Variants in MCRS1 observed in about 807,000 individuals in gnomAD.
MCRS1 encodes 58 kDa microspherule protein.
MCRS1 carries 22 observed loss-of-function variants against 62.9 expected under a neutral mutation model. That is an observed-to-expected ratio of 0.35 (90% CI 0.25 to 0.50). The LOEUF is 0.50. Among genes scored for constraint, MCRS1 ranks in the 20% least tolerant of loss-of-function variants. The probability of loss-of-function intolerance (pLI) is 0.98; values close to 1 mark genes in which losing one functional copy is unlikely to be tolerated. For synonymous variants in MCRS1, 244 were observed against 233.5 expected (o/e 1.04, Z -0.41); for missense variants, 456 against 601.1 (o/e 0.76, Z 2.52).
At position 49,560,342 on chromosome 12, in the gene MCRS1, C is replaced by A; in HGVS notation, c.834G>T (p.Val278=). 6.2e-7 allele frequency: 1 copy of A among 1,614,252 alleles called. No homozygotes were observed. Among genetic ancestry groups the A allele is most frequent in the South Asian group, 1.1e-5 (1 of 91,092 alleles). Reference sequence around the variant, plus strand: ...GGTCCTCTGCATCAGAGAAGTTCAGCACTTGGTCCCCTTTGGGCAGCGGCT... The same window carrying A: ...GGTCCTCTGCATCAGAGAAGTTCAGAACTTGGTCCCCTTTGGGCAGCGGCT... ...TVQPLPKGDQ[V]LNFSDAEDLI... Residue 278 remains valine, a synonymous_variant, in exon 9 of 15, where the codon GTG becomes GTT. Coordinates refer to ENST00000343810, the MANE Select transcript of MCRS1 (RefSeq NM_006337.5).
chr12:49,566,769 G>A lies in MCRS1; in HGVS notation c.-38C>T, dbSNP rs550675401. Reference sequence around the variant, plus strand: ...CCAAAGCCACTGGTTCCAAACCACCGGGCTAGGAGGAACGGTCCCACAGGC... The same window carrying A: ...CCAAAGCCACTGGTTCCAAACCACCAGGCTAGGAGGAACGGTCCCACAGGC... On this transcript the variant is annotated 5_prime_UTR_variant, in exon 2 of 15. Coordinates refer to ENST00000343810, the MANE Select transcript of MCRS1 (RefSeq NM_006337.5). 17 of 1,611,852 alleles carry A rather than the reference G, an allele frequency of 1.1e-5. No homozygotes were observed. In the South Asian group the frequency reaches 1.2e-4, roughly 12 times the overall value.
intron 8 of MCRS1, among the ~76,000 whole-genome samples, chr12:49,561,107 A>T (rs1938743156): frequency 6.6e-6 from 1 of 152,132 alleles, no homozygotes; most frequent in African/African-American, 2.4e-5. Flanking sequence ...GTGCCCACAG[A>T]CCTAGCTACT....
intron 8 of MCRS1, among the ~76,000 whole-genome samples, chr12:49,562,078 TA>T (rs1273047298): frequency 2.6e-5 from 4 of 152,326 alleles, no homozygotes; most frequent in African/African-American, 7.2e-5. Flanking sequence ...CCCGGGCCAC[TA>T]AAATCAGAGG....
At chr12:49,563,397 G>A (rs1309150278) in intron 7 of MCRS1, 41 bp downstream of exon 7, 24 of 1,568,812 alleles carry the variant, frequency 1.5e-5, no homozygotes, top group East Asian at 4.5e-5. Context: ...TCCAGCTCTC[G>A]CTGTGCCCTG....
chr12:49,563,733 C>A, intron 6 of MCRS1, among the ~76,000 whole-genome samples, 187 bp from the exon 7 acceptor site: 1 of 152,200 alleles, frequency 6.6e-6, no homozygotes, highest in East Asian at 1.9e-4. Flanking sequence ...GAATGAACAG[C>A]CAACTCAGAA....
chr12:49,567,688 G>A (rs1298386733), intron 1 of MCRS1: 1 of 152,240 alleles, frequency 6.6e-6, no homozygotes, highest in Non-Finnish European at 1.5e-5. Context: ...GCACACCCAA[G>A]GTAGGGGATC....
chr12:49,567,366 G>C lies in MCRS1; in HGVS notation c.-110-525C>G, dbSNP rs4144469. 2.8e-4 allele frequency among the ~76,000 whole-genome samples: 42 copies of C among 151,668 alleles called. No homozygotes were observed. The East Asian group carries it at 8.0e-3, about 29-fold the overall frequency. On this transcript the variant is annotated intron_variant, in intron 1 of 14. Transcript: ENST00000343810. ...GTATTTCCATGAGATACCATCTCGT[G>C]GAAACCAAAAACCACTGTTTGGGAA...
chr12:49,561,405 T>A (rs1450364015), intron 8 of MCRS1, among the ~76,000 whole-genome samples: 1 of 152,152 alleles, frequency 6.6e-6, no homozygotes, highest in Non-Finnish European at 1.5e-5. Context: ...AGTCACTCCA[T>A]CAAGTCCCTC....
At chr12:49,562,238 T>C (rs1938806865) in intron 8 of MCRS1, among the ~76,000 whole-genome samples, 1 of 152,244 alleles carries the variant, frequency 6.6e-6, no homozygotes, top group Non-Finnish European at 1.5e-5. Flanking sequence ...TGTGAAAAAC[T>C]ATGTAGACGG....
Position 49,566,984 on chromosome 12 carries a change from A to G in MCRS1, c.-110-143T>C, listed in dbSNP as rs553209228. 1.1e-5 allele frequency: 6 copies of G among 566,022 alleles called. No individual in the cohort carries two copies. The African/African-American group carries it at 1.1e-4, about 11-fold the overall frequency. The allele number at this position is 566,022 out of a possible 1,614,324, so 35.1% of individuals were successfully genotyped here. A position where few individuals can be genotyped will look rare whatever the true frequency, so the allele number is the denominator to read the frequency against. ...AAGAGGCATAAGGCCCCACTCTGCC[A>G]ATAATAGCCTTAGACATCAGTCTTG... is the stretch of plus-strand genomic sequence containing the variant. On this transcript the variant is annotated intron_variant, in intron 1 of 14. Transcript: ENST00000343810.
intron 4 of MCRS1, 112 bp downstream of exon 4, chr12:49,565,417 G>C: frequency 5.9e-6 from 9 of 1,514,058 alleles, no homozygotes; most frequent in Non-Finnish European, 7.9e-6. Flanking sequence ...GGCTGGGGCA[G>C]CTTGGTCCTC....
In MCRS1 at chr12:49,563,052, G is replaced by A; in HGVS notation, c.754C>T (p.Gln252Ter). 6.3e-7 allele frequency: 1 copy of A among 1,586,434 alleles called. No homozygotes were observed. The highest frequency in any genetic ancestry group is 1.1e-5 in the South Asian group (1 of 87,546). Residue 252 changes from glutamine to a stop codon, truncating the protein, a stop_gained, in exon 8 of 15, where the codon CAG (glutamine) becomes TAG (stop). Coordinates refer to ENST00000343810, the MANE Select transcript of MCRS1 (RefSeq NM_006337.5). LOFTEE classifies it high-confidence loss of function. ...FYLARTAKALQAHWQLMKQYY... is the reference protein window; with the variant it reads ...FYLARTAKAL Reference sequence around the variant, plus strand: ...TGCTTCATGAGCTGCCAGTGGGCCTGCAGGGCCTTCGCGGTACGGGCCAGG... The same window carrying A: ...TGCTTCATGAGCTGCCAGTGGGCCTACAGGGCCTTCGCGGTACGGGCCAGG...
At position 49,566,850 on chromosome 12, in the gene MCRS1, G is replaced by T; in HGVS notation, c.-110-9C>A. ...AAGGCTGAGAGGAGATTCTGCAAAG[G>T]AGAAATGAGGCTCCCTGAGGCTCAG... On this transcript the variant is annotated splice_polypyrimidine_tract_variant and intron_variant, in intron 1 of 14. Transcript: ENST00000343810. 7.4e-7 allele frequency: 1 copy of T among 1,351,902 alleles called. No homozygotes were observed. Among genetic ancestry groups the T allele is most frequent in the Non-Finnish European group, 1.0e-6 (1 of 973,354 alleles). 83.7% of individuals were successfully genotyped at this position (1,351,902 alleles called of 1,614,324 possible). A position where few individuals can be genotyped will look rare whatever the true frequency, so the allele number is the denominator to read the frequency against.
chr12:49,559,123 T>C lies in MCRS1; in HGVS notation c.1174+91A>G, dbSNP rs1036545649. 6.5e-6 allele frequency: 10 copies of C among 1,535,720 alleles called. No individual in the cohort carries two copies. The highest frequency in any genetic ancestry group is 4.7e-5 in the South Asian group (4 of 85,418). On this transcript the variant is annotated intron_variant, in intron 13 of 14. Coordinates refer to ENST00000343810, the MANE Select transcript of MCRS1 (RefSeq NM_006337.5). This position sits in a 1 kb window ranked among gnomAD's most constrained non-coding sequence, Gnocchi z 5.2. ...CTCAGGTGGTCCACGAGGGTCCCCA[T>C]GGACACCAAGCCCAGGGCTAGAAAG... is the stretch of plus-strand genomic sequence containing the variant.
chr12:49,565,035 C>T lies in MCRS1; in HGVS notation c.289-140G>A, dbSNP rs919645437. 4.3e-6 allele frequency: 6 copies of T among 1,406,916 alleles called. No individual in the cohort carries two copies. In the African/African-American group the frequency reaches 5.8e-5, roughly 14 times the overall value. The allele number at this position is 1,406,916 out of a possible 1,614,324, so 87.2% of individuals were successfully genotyped here. A position where few individuals can be genotyped will look rare whatever the true frequency, so the allele number is the denominator to read the frequency against. ...ACCAACTCCAGCCCACAACAGGAAG[C>T]ACAGGAAAGGAGCTCAGCTTTCTAA... On this transcript the variant is annotated intron_variant, in intron 4 of 14. Coordinates refer to ENST00000343810, the MANE Select transcript of MCRS1 (RefSeq NM_006337.5).
At chr12:49,560,779 C>T (rs920820971) in intron 8 of MCRS1, among the ~76,000 whole-genome samples, 2 of 152,180 alleles carry the variant, frequency 1.3e-5, no homozygotes, top group African/African-American at 4.8e-5. Context: ...CATTCGAAAT[C>T]TCAACCTCTC....
chr12:49,567,100 C>T (rs980750393), intron 1 of MCRS1, among the ~76,000 whole-genome samples: 6 of 152,088 alleles, frequency 3.9e-5, no homozygotes, highest in Non-Finnish European at 7.4e-5. Flanking sequence ...GTTCATAGAC[C>T]CTTTAATTCT....
rs768769945 is a variant in MCRS1 at position 49,563,554 on chromosome 12, CG to C, written c.558-9del. 8 of 1,602,150 alleles carry C rather than the reference CG, an allele frequency of 5.0e-6. No homozygotes were observed. Among genetic ancestry groups the C allele is most frequent in the Admixed American group, 1.7e-5 (1 of 59,592 alleles). On this transcript the variant is annotated splice_polypyrimidine_tract_variant and intron_variant, in intron 6 of 14. Transcript: ENST00000343810. ...ATGGCCTGACAGGCCAACCTGGACA[CG>C]GAAAGAGACAGAGGGGAGGGGTGAA...
At chr12:49,563,854 C>A (rs754150890) in intron 6 of MCRS1, among the ~76,000 whole-genome samples, 6 of 152,216 alleles carry the variant, frequency 3.9e-5, no homozygotes, top group Non-Finnish European at 8.8e-5. Context: ...GCTGCCACCC[C>A]CTAGCCACTG....
Sources: allele counts gnomAD v4.1 joint callset (sites outside exome capture counted in the v4.1 genomes callset), GRCh38; gene constraint gnomAD v4.1.1; non-coding constraint Gnocchi (gnomAD v3.1); transcripts MANE v1.5; gene names NCBI Gene and HGNC (gene_info 2026-07-23, HGNC 2026-07-21).